Variants in ACTN2 observed in about 807,000 individuals in gnomAD.
ACTN2 encodes alpha-actinin-2.
ACTN2 carries 39 observed loss-of-function variants against 113.8 expected under a neutral mutation model. That is an observed-to-expected ratio of 0.34 (90% CI 0.27 to 0.45). ACTN2 has a LOEUF of 0.45. Among genes scored for constraint, ACTN2 ranks in the 20% least tolerant of loss-of-function variants. The pLI, the probability that ACTN2 is intolerant of heterozygous loss-of-function variation, is 1.00. For missense variants in ACTN2, 992 were observed against 1,177.9 expected (o/e 0.84, Z 2.31); for synonymous variants, 429 against 444.1 (o/e 0.97, Z 0.43).
intron 13 of ACTN2, chr1:236,748,023 G>A (rs189628193): frequency 2.4e-5 from 11 of 456,838 alleles, no homozygotes; most frequent in Middle Eastern, 6.6e-4. Flanking sequence ...ATGAGATTAC[G>A]GCATAAATCT....
chr1:236,709,251 TATATACACACAC>T (rs1387691274), intron 1 of ACTN2, among the ~76,000 whole-genome samples: 6 of 59,744 alleles, frequency 1.0e-4, no homozygotes, highest in African/African-American at 2.4e-4. Context: ...TATATATATA[TATATACACACAC>T]ACACACACAT....
In ACTN2 at chr1:236,753,998, C is replaced by T. The variant is rs1446087607; in HGVS notation, c.1891C>T (p.Arg631Cys). Reference sequence around the variant, plus strand: ...TCAATCCCTGCAGGAGGAGCTGGCTCGCCAGCATGCTAACGAGCGTCTGAG... The same window carrying T: ...TCAATCCCTGCAGGAGGAGCTGGCTTGCCAGCATGCTAACGAGCGTCTGAG... ...RDQSLQEELA[R>C]QHANERLRRQ... Residue 631 changes from arginine (R) to cysteine (C), a missense_variant, in exon 16 of 21, where the codon CGC becomes TGC. Arg to Cys is a radical substitution (Grantham distance 180). Transcript: ENST00000366578. 7 of 1,614,174 alleles carry T rather than the reference C, an allele frequency of 4.3e-6. No homozygotes were observed. Among genetic ancestry groups the T allele is most frequent in the East Asian group, 4.5e-5 (2 of 44,872 alleles).
Position 236,749,237 on chromosome 1 carries a change from C to T in ACTN2, c.1629C>T (p.Phe543=). Residue 543 remains phenylalanine (F), a synonymous_variant, in exon 14 of 21, where the codon TTC becomes TTT. Transcript: ENST00000366578. Reference sequence around the variant, plus strand: ...CTATGGAGGATCTGCAAGATATGTTCATTGTCCACAGCATTGAGGAGATCC... The same window carrying T: ...CTATGGAGGATCTGCAAGATATGTTTATTGTCCACAGCATTGAGGAGATCC... ...EGAMEDLQDM[F]IVHSIEEIQS... The T allele has an allele frequency of 1.2e-6, 2 of 1,614,154 alleles. No individual in the cohort carries two copies. Among genetic ancestry groups the T allele is most frequent in the South Asian group, 1.1e-5 (1 of 91,082 alleles).
intron 1 of ACTN2, among the ~76,000 whole-genome samples, chr1:236,692,880 G>T (rs990481232): frequency 6.6e-6 from 1 of 152,070 alleles, no homozygotes; most frequent in Admixed American, 6.5e-5. Flanking sequence ...CACCGCAGTC[G>T]GTTGCTGCAG....
chr1:236,749,055 C>A, intron 13 of ACTN2, 69 bp from the exon 14 acceptor site: 1 of 1,524,712 alleles, frequency 6.6e-7, no homozygotes, highest in Non-Finnish European at 9.1e-7. Context: ...TCTTATGGAA[C>A]GCCTACTTAC....
rs1572146508 is a variant in ACTN2 at position 236,755,108 on chromosome 1, T to C, written c.2064T>C (p.Tyr688=). The C allele has an allele frequency of 1.9e-6, 3 of 1,614,152 alleles. No homozygotes were observed. Among genetic ancestry groups the C allele is most frequent in the Non-Finnish European group, 2.5e-6 (3 of 1,180,030 alleles). ...LKQYEHNIIN[Y]KNNIDKLEGD... ...AGTATGAGCACAACATCATCAACTA[T>C]AAGAACAACATCGACAAGCTGGAGG... is the stretch of plus-strand genomic sequence containing the variant. The change falls in exon 17 of 21, where the codon TAT becomes TAC. Residue 688 remains tyrosine (Y), a synonymous_variant. Coordinates refer to ENST00000366578, the MANE Select transcript of ACTN2 (RefSeq NM_001103.4).
chr1:236,722,804 G>GT (rs1658436898), intron 4 of ACTN2, among the ~76,000 whole-genome samples: 1 of 152,112 alleles, frequency 6.6e-6, no homozygotes, highest in African/African-American at 2.4e-5. Context: ...CATGATCAGG[G>GT]TTTTGTGTGT....
chr1:236,700,419 A>G (rs1019728112), intron 1 of ACTN2, among the ~76,000 whole-genome samples: 5 of 152,206 alleles, frequency 3.3e-5, no homozygotes, highest in Non-Finnish European at 5.9e-5. Context: ...AGTGAATTTC[A>G]GGCTCAGCGG....
chr1:236,696,273 G>A lies in ACTN2; in HGVS notation c.126+9474G>A, dbSNP rs142120614. Among the ~76,000 whole-genome samples, 319 of 150,582 alleles carry A rather than the reference G, an allele frequency of 2.1e-3. 1 individual carries two copies. The highest frequency in any genetic ancestry group is 7.3e-3 in the African/African-American group (297 of 40,938). The stretch of plus-strand genomic sequence containing the variant: ...CTCACAGCTGGAGCGCAGTGAGATC[G>A]TGTCACTGCACTCCAGCTTCGGTGA... On this transcript the variant is annotated intron_variant, in intron 1 of 20. Transcript: ENST00000366578.
intron 7 of ACTN2, among the ~76,000 whole-genome samples, chr1:236,732,567 T>A (rs896571129): frequency 6.6e-6 from 1 of 151,940 alleles, no homozygotes; most frequent in Admixed American, 6.6e-5. Context: ...CTCAGCCTCC[T>A]GAGTAGCTGG....
intron 1 of ACTN2, among the ~76,000 whole-genome samples, chr1:236,709,854 C>A (rs74146232): frequency 0.02 from 3,026 of 152,084 alleles, 112 homozygotes; most frequent in African/African-American, 0.069. Context: ...GGATGAGTTT[C>A]CATTTTAGGA....
chr1:236,721,015 G>GGGTTTTTTTT lies in ACTN2; in HGVS notation c.448+824_448+825insGGTTTTTTTT. On this transcript the variant is annotated intron_variant, in intron 4 of 20. Coordinates refer to ENST00000366578, the MANE Select transcript of ACTN2 (RefSeq NM_001103.4). ...ACAGTAGCCTCTGACTCTGGTTTTTGTTTTTTGTTTTTTTTTTTTTTTTTT... is the reference window on the plus strand; with the variant it reads ...ACAGTAGCCTCTGACTCTGGTTTTTGGGTTTTTTTTTTTTTTGTTTTTTTTTTTTTTTTTT... Among the ~76,000 whole-genome samples, 4 of 49,176 alleles carry GGGTTTTTTTT rather than the reference G, an allele frequency of 8.1e-5. 1 individual carries two copies. The highest frequency in any genetic ancestry group is 1.4e-4 in the Non-Finnish European group (4 of 29,432). 32.3% of individuals were successfully genotyped at this position (49,176 alleles called of 152,430 possible).
chr1:236,697,531 C>T (rs566158613), intron 1 of ACTN2, among the ~76,000 whole-genome samples: 1 of 152,278 alleles, frequency 6.6e-6, no homozygotes, highest in African/African-American at 2.4e-5. Flanking sequence ...GGGAACTGAA[C>T]ATGGAAGTCT....
At chr1:236,747,958 A>C in intron 13 of ACTN2, 183 bp downstream of exon 13, 1 of 616,174 alleles carries the variant, frequency 1.6e-6, no homozygotes, top group East Asian at 2.9e-5. Flanking sequence ...TTTGTGCTGT[A>C]ATTTATCCAG....
chr1:236,735,829 TTC>T, intron 8 of ACTN2, 109 bp downstream of exon 8: 2 of 1,032,074 alleles, frequency 1.9e-6, no homozygotes, highest in Non-Finnish European at 3.0e-6. Flanking sequence ...CTTGGAATCT[TTC>T]TGAGTGTTTT....
chr1:236,707,647 A>G (rs1378285226), intron 1 of ACTN2, among the ~76,000 whole-genome samples: 1 of 151,178 alleles, frequency 6.6e-6, no homozygotes, highest in Non-Finnish European at 1.5e-5. Flanking sequence ...TAATTGAGTT[A>G]GATTCATAGT....
intron 18 of ACTN2, among the ~76,000 whole-genome samples, chr1:236,758,371 C>T (rs143296056): frequency 0.033 from 5,017 of 149,912 alleles, 482 homozygotes; most frequent in African/African-American, 0.12. Flanking sequence ...CTGCAACCTC[C>T]GCCTCCCGGG....
chr1:236,739,255 G>T (rs761887611), intron 9 of ACTN2, 47 bp from the exon 10 acceptor site: 1 of 1,581,364 alleles, frequency 6.3e-7, no homozygotes, highest in South Asian at 1.1e-5. Context: ...AACTGGGGGA[G>T]GGGGCTTGCT....
At chr1:236,717,381 G>A (rs1316475024) in intron 1 of ACTN2, among the ~76,000 whole-genome samples, 1 of 152,082 alleles carries the variant, frequency 6.6e-6, no homozygotes, top group African/African-American at 2.4e-5. Flanking sequence ...AGGCTGCAGT[G>A]AGCCATGATC....
Sources: gnomAD v4.1 joint callset for allele counts (sites outside exome capture counted in the v4.1 genomes callset) on GRCh38, gnomAD v4.1.1 for gene constraint, MANE v1.5 for transcripts, NCBI Gene and HGNC (gene_info 2026-07-23, HGNC 2026-07-21) for gene names.